The following PCDHGB1 variants were observed in gnomAD, a reference collection of about 807,000 sequenced individuals.
The protein encoded by PCDHGB1 is protocadherin gamma subfamily B, 1, also known as protocadherin gamma-B1.
PCDHGB1 carries 34 observed loss-of-function variants against 56.6 expected under a neutral mutation model. The ratio of observed to expected loss-of-function variants is 0.60; its 90% CI spans 0.46 to 0.80. The LOEUF (loss-of-function observed/expected upper bound fraction) is 0.80. PCDHGB1 is among the 30% of genes least tolerant of loss of function. The pLI is 0.00. For synonymous variants in PCDHGB1, 561 were observed against 505.9 expected (o/e 1.11, Z -1.46); for missense variants, 1,278 against 1,204.6 (o/e 1.06, Z -0.90).
chr5:141,411,924 C>G lies in PCDHGB1; in HGVS notation c.2409+59255C>G, dbSNP rs116336964. ...TTGCCTTTGCACTCAGTCTCTGTCTCTGATTCTCTGATAGAAGATTTTTGA... is the reference window on the plus strand; with the variant it reads ...TTGCCTTTGCACTCAGTCTCTGTCTGTGATTCTCTGATAGAAGATTTTTGA... On this transcript the variant is annotated intron_variant, in intron 1 of 3. Coordinates refer to ENST00000523390, the MANE Select transcript of PCDHGB1 (RefSeq NM_018922.3). The G allele has an allele frequency of 5.8e-4, 88 of 152,306 alleles. 1 individual carries two copies. Among genetic ancestry groups the G allele is most frequent in the African/African-American group, 2.0e-3 (83 of 41,556 alleles). 9.4% of individuals were successfully genotyped at this position (152,306 alleles called of 1,614,324 possible). A position where few individuals can be genotyped will look rare whatever the true frequency, so the allele number is the denominator to read the frequency against.
rs769553840 is a variant in PCDHGB1 at position 141,352,577 on chromosome 5, C to T, written c.2317C>T (p.Pro773Ser). The T allele has an allele frequency of 6.2e-6, 10 of 1,613,958 alleles. No individual in the cohort carries two copies. In the East Asian group the frequency reaches 1.6e-4, roughly 25 times the overall value. ...CAACCTGACACCGGAAATGGCTCCC[C>T]CTCAGGATCTGCTGTGTGATGATCC... Reference protein sequence around the residue: ...SLNLTPEMAPPQDLLCDDPSM... With the variant: ...SLNLTPEMAPSQDLLCDDPSM... Residue 773 changes from proline (P) to serine (S), a missense_variant, in exon 1 of 4, where the codon CCT becomes TCT. Physicochemically the swap from Pro to Ser is moderately conservative, Grantham distance 74. Transcript: ENST00000523390.
intron 1 of PCDHGB1, among the ~76,000 whole-genome samples, chr5:141,436,793 C>A (rs752376420): frequency 6.6e-6 from 1 of 152,178 alleles, no homozygotes; most frequent in Non-Finnish European, 1.5e-5. Context: ...TAAAACTGTT[C>A]TAAAATTTTT....
chr5:141,397,974 C>A (rs1248429844), intron 1 of PCDHGB1: 3 of 1,174,340 alleles, frequency 2.6e-6, no homozygotes, highest in African/African-American at 1.6e-5. Flanking sequence ...TCCCCAGCGC[C>A]GGCCTTTACA....
intron 1 of PCDHGB1, among the ~76,000 whole-genome samples, chr5:141,373,098 C>A (rs1402463048): frequency 6.6e-6 from 1 of 152,208 alleles, no homozygotes; most frequent in African/African-American, 2.4e-5. Flanking sequence ...CTGTCATTTT[C>A]AGACATATCT....
chr5:141,356,761 G>A (rs778228688), intron 1 of PCDHGB1: 4 of 1,613,674 alleles, frequency 2.5e-6, no homozygotes, highest in East Asian at 2.2e-5. Context: ...TTGCTCCTTC[G>A]ACTATGAGCA....
chr5:141,494,749 G>C (rs573811540), intron 1 of PCDHGB1, 58 bp from the exon 2 acceptor site: 3 of 1,612,818 alleles, frequency 1.9e-6, no homozygotes, highest in South Asian at 2.2e-5. Context: ...CTAGGGGCTC[G>C]GGTGACATTC....
intron 1 of PCDHGB1, chr5:141,367,550 A>G (rs1175720075): frequency 2.0e-5 from 3 of 147,536 alleles, no homozygotes; most frequent in Non-Finnish European, 4.6e-5. Flanking sequence ...ATAAATAAAT[A>G]AATAAATAAA....
chr5:141,375,943 C>T lies in PCDHGB1; in HGVS notation c.2409+23274C>T, dbSNP rs111303338. 3.8e-3 allele frequency: 6,199 copies of T among 1,613,582 alleles called. 67 individuals are homozygous for T. Among genetic ancestry groups the T allele is most frequent in the African/African-American group, 0.036 (2,673 of 75,052 alleles). ...GCGAGCCAGGACTTTTCTCAGTGGG[C>T]CTGCACACGGGCGAGGTGCGCACGG... On this transcript the variant is annotated intron_variant, in intron 1 of 3. Coordinates refer to ENST00000523390, the MANE Select transcript of PCDHGB1 (RefSeq NM_018922.3).
intron 1 of PCDHGB1, chr5:141,376,319 G>C: frequency 3.7e-6 from 6 of 1,614,220 alleles, no homozygotes; most frequent in Non-Finnish European, 4.2e-6. Context: ...CGTGGAAGGG[G>C]TTCGGGCTTT....
At chr5:141,412,189 T>C (rs560869081) in intron 1 of PCDHGB1, 21 of 152,370 alleles carry the variant, frequency 1.4e-4, no homozygotes, top group Admixed American at 1.2e-3. Context: ...AATGCTCTGA[T>C]GAAAACAGGT....
rs978049964 is a variant in PCDHGB1 at position 141,376,740 on chromosome 5, G to A, written c.2409+24071G>A. On this transcript the variant is annotated intron_variant, in intron 1 of 3. Coordinates refer to ENST00000523390, the MANE Select transcript of PCDHGB1 (RefSeq NM_018922.3). ...TGTCGCCCAGGCCGGACTGCGGACT[G>A]CAGTGGCGCAATCTCGGCTCACTGC... is the stretch of plus-strand genomic sequence containing the variant. 6 of 494,230 alleles carry A rather than the reference G, an allele frequency of 1.2e-5. No homozygotes were observed. In the Admixed American group the frequency reaches 1.2e-4, roughly 10 times the overall value. The allele number at this position is 494,230 out of a possible 1,614,324, so 30.6% of individuals were successfully genotyped here.
At position 141,419,268 on chromosome 5, in the gene PCDHGB1, C is replaced by T. The variant is rs1240259934; in HGVS notation, c.2409+66599C>T. 6.2e-6 allele frequency: 10 copies of T among 1,614,050 alleles called. No homozygotes were observed. The East Asian group carries it at 2.2e-4, about 36-fold the overall frequency. ...CCAGAAAACAACCAGCCGGGTGCCT[C>T]CATAGCGCAAGTCAGTGCCTCTGAC... is the stretch of plus-strand genomic sequence containing the variant. On this transcript the variant is annotated intron_variant, in intron 1 of 3. Transcript: ENST00000523390.
chr5:141,367,937 T>G (rs1345542732), intron 1 of PCDHGB1, among the ~76,000 whole-genome samples: 1 of 152,236 alleles, frequency 6.6e-6, no homozygotes, highest in African/African-American at 2.4e-5. Flanking sequence ...TAAAGATGGT[T>G]CAAAATTTTA....
chr5:141,415,020 C>T, intron 1 of PCDHGB1: 2 of 1,613,560 alleles, frequency 1.2e-6, no homozygotes, highest in Non-Finnish European at 1.7e-6. Context: ...TGCTCAAGGC[C>T]AGCGAGCCGG....
In PCDHGB1 at chr5:141,486,565, T is replaced by C; in HGVS notation, c.2410-8242T>C. ...TTCAGAGGTCACATGAGGTGTTTGT[T>C]CCTGAGAACAATCGCCCAGGGGACC... On this transcript the variant is annotated intron_variant, in intron 1 of 3. Coordinates refer to ENST00000523390, the MANE Select transcript of PCDHGB1 (RefSeq NM_018922.3). The surrounding 1 kb of genome is among the most constrained non-coding windows in gnomAD (Gnocchi z 5.0). 6.2e-7 allele frequency: 1 copy of C among 1,614,024 alleles called. No homozygotes were observed. Among genetic ancestry groups the C allele is most frequent in the Non-Finnish European group, 8.5e-7 (1 of 1,180,032 alleles).
In PCDHGB1 at chr5:141,376,166, G is replaced by A. The variant is rs753856036; in HGVS notation, c.2409+23497G>A. Reference sequence around the variant, plus strand: ...TTCGGACCTCACTCTGTACCTGGTGGTGGCGGTGGCCGCGGTCTCCTGCGT... The same window carrying A: ...TTCGGACCTCACTCTGTACCTGGTGATGGCGGTGGCCGCGGTCTCCTGCGT... On this transcript the variant is annotated intron_variant, in intron 1 of 3. Transcript: ENST00000523390. The A allele has an allele frequency of 3.3e-5, 53 of 1,614,094 alleles. 1 individual carries two copies. The South Asian group carries it at 5.3e-4, about 16-fold the overall frequency.
chr5:141,399,950 G>A lies in PCDHGB1; in HGVS notation c.2409+47281G>A, dbSNP rs566695854. On this transcript the variant is annotated intron_variant, in intron 1 of 3. Coordinates refer to ENST00000523390, the MANE Select transcript of PCDHGB1 (RefSeq NM_018922.3). ...CTGTCCTACCACGTGCTGCAGGCTA[G>A]CGAGCCCGGGCTCTTCAGCCTGGGG... The A allele has an allele frequency of 4.3e-6, 7 of 1,612,178 alleles. No individual in the cohort carries two copies. The African/African-American group carries it at 6.7e-5, about 15-fold the overall frequency.
chr5:141,393,381 A>G, intron 1 of PCDHGB1: 3 of 1,614,022 alleles, frequency 1.9e-6, no homozygotes, highest in South Asian at 1.1e-5. Flanking sequence ...CAATGGAGCC[A>G]TAAACCCAGA....
intron 2 of PCDHGB1, among the ~76,000 whole-genome samples, chr5:141,499,576 G>C (rs2099792836): frequency 1.3e-5 from 2 of 151,790 alleles, no homozygotes; most frequent in Non-Finnish European, 2.9e-5. Context: ...TTCAACTAAT[G>C]CCTTATCTTG....
Sources: allele counts gnomAD v4.1 joint callset (sites outside exome capture counted in the v4.1 genomes callset), GRCh38; gene constraint gnomAD v4.1.1; non-coding constraint Gnocchi (gnomAD v3.1); transcripts MANE v1.5; gene names NCBI Gene and HGNC (gene_info 2026-07-23, HGNC 2026-07-21).